DHX35: variants seen among roughly 807,000 people sequenced by gnomAD.
DHX35 encodes DEAH-box helicase 35, also known as probable ATP-dependent RNA helicase DHX35.
DHX35 carries 84 observed loss-of-function variants against 99.6 expected under a neutral mutation model. That is an observed-to-expected ratio of 0.84 (90% CI 0.71 to 1.01). DHX35 has a LOEUF of 1.01. Among genes scored for constraint, DHX35 ranks in the 50% least tolerant of loss-of-function variants. DHX35 has a pLI of 0.00. For synonymous variants in DHX35, 331 were observed against 316.2 expected (o/e 1.05, Z -0.50); for missense variants, 852 against 888.5 (o/e 0.96, Z 0.52).
chr20:38,997,046 TTTTA>T (rs143900166), intron 8 of DHX35, among the ~76,000 whole-genome samples: 21,910 of 148,886 alleles, frequency 0.15, 1,791 homozygotes, highest in East Asian at 0.28. Flanking sequence ...CTTAGATTCA[TTTTA>T]TTTATTTATT....
At chr20:38,994,635 C>G (rs1284111597) in intron 7 of DHX35, among the ~76,000 whole-genome samples, 186 bp from the exon 8 acceptor site, 2 of 115,746 alleles carry the variant, frequency 1.7e-5, no homozygotes, top group African/African-American at 7.1e-5. Context: ...GTAATGACCC[C>G]CCCCCCCCTT....
intron 12 of DHX35, among the ~76,000 whole-genome samples, chr20:39,008,564 G>A (rs946140363): frequency 5.9e-5 from 9 of 152,140 alleles, no homozygotes; most frequent in African/African-American, 2.2e-4. Flanking sequence ...GTTGGGGAGG[G>A]CCCCTGACTG....
chr20:38,977,599 CA>C (rs1390066734), intron 3 of DHX35: 1 of 300,452 alleles, frequency 3.3e-6, no homozygotes, highest in Non-Finnish European at 6.3e-6. Context: ...AAAAATGAAA[CA>C]GGCATTTTGG....
chr20:39,020,558 A>G (rs1211008555), intron 15 of DHX35, among the ~76,000 whole-genome samples: 1 of 151,992 alleles, frequency 6.6e-6, no homozygotes, highest in East Asian at 1.9e-4. Flanking sequence ...TCAACTAGCA[A>G]TTTATGAAGA....
intron 3 of DHX35, among the ~76,000 whole-genome samples, chr20:38,983,018 C>T (rs2086197195): frequency 6.6e-6 from 1 of 151,820 alleles, no homozygotes; most frequent in South Asian, 2.1e-4. Flanking sequence ...CTCCACCTCC[C>T]AGGTTCAAGC....
At chr20:38,995,024 A>G (rs564456498) in intron 8 of DHX35, 144 bp downstream of exon 8, 10 of 657,468 alleles carry the variant, frequency 1.5e-5, no homozygotes, top group East Asian at 2.7e-5. Flanking sequence ...TAGATTTCAT[A>G]TAATCAGAGG....
chr20:38,985,302 C>G (rs542503480), intron 4 of DHX35, among the ~76,000 whole-genome samples: 5 of 147,080 alleles, frequency 3.4e-5, no homozygotes, highest in Non-Finnish European at 5.9e-5. Context: ...CCAGAAGGAT[C>G]TCTTGAGCCC....
intron 11 of DHX35, 121 bp downstream of exon 11, chr20:39,004,028 T>C: frequency 8.8e-7 from 1 of 1,136,640 alleles, no homozygotes; most frequent in Non-Finnish European, 1.3e-6. Flanking sequence ...TTCTGTGTAG[T>C]AGATCTAAAA....
chr20:39,032,887 C>T (rs975570668), intron 20 of DHX35, among the ~76,000 whole-genome samples: 1 of 152,150 alleles, frequency 6.6e-6, no homozygotes, highest in African/African-American at 2.4e-5. Context: ...GCACCTTGGT[C>T]GGTTCTGGGT....
At chr20:39,018,278 T>C (rs1167312646) in intron 14 of DHX35, among the ~76,000 whole-genome samples, 1 of 151,228 alleles carries the variant, frequency 6.6e-6, no homozygotes, top group East Asian at 1.9e-4. Flanking sequence ...GTCCTGGAGG[T>C]GGTAGAAAGT....
At chr20:39,027,691 TTA>T (rs1225722333) in intron 18 of DHX35, among the ~76,000 whole-genome samples, 4 of 152,230 alleles carry the variant, frequency 2.6e-5, no homozygotes, top group African/African-American at 4.8e-5. Flanking sequence ...CATCGTTATT[TTA>T]TGTGTCACCA....
chr20:39,018,677 G>A, intron 14 of DHX35, 127 bp from the exon 15 acceptor site: 1 of 903,610 alleles, frequency 1.1e-6, no homozygotes, highest in Non-Finnish European at 1.7e-6. Context: ...GTTTGGTGTA[G>A]TGCATGAATC....
intron 3 of DHX35, among the ~76,000 whole-genome samples, chr20:38,974,584 C>T (rs1025276522): frequency 6.6e-6 from 1 of 152,078 alleles, no homozygotes; most frequent in Non-Finnish European, 1.5e-5. Flanking sequence ...TATTGATGGC[C>T]TTTGATGACA....
intron 1 of DHX35, among the ~76,000 whole-genome samples, chr20:38,967,937 C>T (rs975465425): frequency 1.2e-4 from 18 of 152,058 alleles, no homozygotes; most frequent in African/African-American, 4.3e-4. Context: ...GCCTCCCCCA[C>T]CCCCCATTAC....
Position 38,972,568 on chromosome 20 carries a change from CAT to C in DHX35, c.187_188del (p.Ile63PhefsTer15). The C allele has an allele frequency of 6.2e-7, 1 of 1,606,660 alleles. No homozygotes were observed. On this transcript the variant is annotated frameshift_variant, in exon 3 of 22. Transcript: ENST00000252011. LOFTEE classifies it high-confidence loss of function. ...QKLPVFKLRN[H>X]ILYLIENYQT... ...TGTTATTCTTTTTCAGCTTAGGAATCATATTTTATACTTGATAGAAAATTATC... is the reference window on the plus strand; with the variant it reads ...TGTTATTCTTTTTCAGCTTAGGAATCATTTTATACTTGATAGAAAATTATC...
chr20:39,012,654 C>T (rs1245878796), intron 13 of DHX35, among the ~76,000 whole-genome samples: 1 of 152,098 alleles, frequency 6.6e-6, no homozygotes, highest in Non-Finnish European at 1.5e-5. Context: ...CTCAGCCTCC[C>T]AAGTAGCTGG....
chr20:39,010,236 A>G, intron 12 of DHX35, 44 bp from the exon 13 acceptor site: 1 of 1,613,832 alleles, frequency 6.2e-7, no homozygotes, highest in Non-Finnish European at 8.5e-7. Flanking sequence ...ATTGCATTTG[A>G]TTGTGACATT....
chr20:39,009,445 G>T (rs1424429546), intron 12 of DHX35, among the ~76,000 whole-genome samples: 1 of 150,982 alleles, frequency 6.6e-6, no homozygotes, highest in Non-Finnish European at 1.5e-5. Flanking sequence ...AAAGCTTTAT[G>T]ATCTAAATGG....
chr20:39,013,763 ATGT>A, intron 13 of DHX35, among the ~76,000 whole-genome samples: 1 of 152,372 alleles, frequency 6.6e-6, no homozygotes, highest in Admixed American at 6.5e-5. Flanking sequence ...GTAGAGAAAG[ATGT>A]TGTAAGCACC....
Sources: allele counts gnomAD v4.1 joint callset (sites outside exome capture counted in the v4.1 genomes callset), GRCh38; gene constraint gnomAD v4.1.1; transcripts MANE v1.5; gene names NCBI Gene and HGNC (gene_info 2026-07-23, HGNC 2026-07-21).